C4orf17: variants seen among roughly 807,000 people sequenced by gnomAD.
C4orf17 encodes the protein uncharacterized protein C4orf17.
In C4orf17, 25 loss-of-function variants were observed where a neutral mutation model predicts 32.0. The observed-to-expected ratio is 0.78, with a 90% confidence interval of 0.57 to 1.09. The LOEUF is 1.09. Among genes scored for constraint, C4orf17 ranks in the 50% least tolerant of loss-of-function variants. The probability of loss-of-function intolerance (pLI) is 0.00; values close to 1 mark genes in which losing one functional copy is unlikely to be tolerated. For synonymous variants in C4orf17, 149 were observed against 145.8 expected (o/e 1.02, Z -0.16); for missense variants, 420 against 420.0 (o/e 1.00, Z 0.00).
intron 2 of C4orf17, among the ~76,000 whole-genome samples, chr4:99,513,566 A>G (rs1000777732): frequency 2.6e-5 from 4 of 152,154 alleles, no homozygotes; most frequent in African/African-American, 9.7e-5. Flanking sequence ...ACACATCTGC[A>G]TGCTAAATAT....
chr4:99,518,986 T>C (rs1257434215), intron 2 of C4orf17, among the ~76,000 whole-genome samples: 1 of 152,156 alleles, frequency 6.6e-6, no homozygotes, highest in Non-Finnish European at 1.5e-5. Context: ...TTGTCTTAGA[T>C]GACTCTGAGG....
intron 5 of C4orf17, among the ~76,000 whole-genome samples, chr4:99,530,790 G>A (rs1723465749): frequency 6.6e-6 from 1 of 151,558 alleles, no homozygotes; most frequent in South Asian, 2.1e-4. Context: ...TTAAACTTGA[G>A]GAGAATAAAA....
intron 4 of C4orf17, among the ~76,000 whole-genome samples, chr4:99,529,551 AG>A (rs2110171006): frequency 6.6e-6 from 1 of 152,318 alleles, no homozygotes; most frequent in Admixed American, 6.5e-5. Flanking sequence ...GCAATATAAA[AG>A]GTCATACATT....
In C4orf17 at chr4:99,522,537, T is replaced by C. The variant is rs749026872; in HGVS notation, c.165T>C (p.Asp55=). 6.2e-7 allele frequency: 1 copy of C among 1,613,902 alleles called. No individual in the cohort carries two copies. Among genetic ancestry groups the C allele is most frequent in the Non-Finnish European group, 8.5e-7 (1 of 1,179,766 alleles). ...NNIPICTVND[D]ENAFGTLWGV... ...TTCCAATCTGTACTGTGAATGATGA[T>C]GAGAATGCATTTGGAACATTGTGGG... The change falls in exon 3 of 9, where the codon GAT becomes GAC. Residue 55 remains aspartate, a synonymous_variant. Coordinates refer to ENST00000326581, the MANE Select transcript of C4orf17 (RefSeq NM_032149.3).
rs1723659444 is a variant in C4orf17 at position 99,542,183 on chromosome 4, A to G, written c.*74A>G. On this transcript the variant is annotated 3_prime_UTR_variant, in exon 9 of 9. Transcript: ENST00000326581. ...CATCATCAAATTATTTTTCAAATGA[A>G]TATTTTTGGTATTGAGGAATCAAGT... 1.4e-6 allele frequency: 2 copies of G among 1,395,748 alleles called. No homozygotes were observed. The highest frequency in any genetic ancestry group is 3.6e-5 in the Admixed American group (2 of 56,084). 86.5% of individuals were successfully genotyped at this position (1,395,748 alleles called of 1,614,324 possible). A position where few individuals can be genotyped will look rare whatever the true frequency, so the allele number is the denominator to read the frequency against.
At position 99,516,456 on chromosome 4, in the gene C4orf17, T is replaced by C. The variant is rs770542253; in HGVS notation, c.127+3248T>C. Among the ~76,000 whole-genome samples, 20 of 152,268 alleles carry C rather than the reference T, an allele frequency of 1.3e-4. 1 individual carries two copies. The highest frequency in any genetic ancestry group is 2.4e-4 in the Non-Finnish European group (16 of 68,050). ...TAAAGGCATGAATATTGATCATCTC[T>C]TTATTCATTCAGCCATCTATACGTT... On this transcript the variant is annotated intron_variant, in intron 2 of 8. Transcript: ENST00000326581.
Position 99,522,591 on chromosome 4 carries a change from GA to G in C4orf17, c.221del (p.Asn74ThrfsTer21), listed in dbSNP as rs1723308883. 6.2e-7 allele frequency: 1 copy of G among 1,613,948 alleles called. No homozygotes were observed. Among genetic ancestry groups the G allele is most frequent in the Non-Finnish European group, 8.5e-7 (1 of 1,179,892 alleles). On this transcript the variant is annotated frameshift_variant, in exon 3 of 9. Transcript: ENST00000326581. LOFTEE classifies it high-confidence loss of function. ...TTGGCCAGTCTAACTACTTAGAGAA[GA>G]ACAGGATACCATTTGCCAATTGCAG... Reference protein sequence around the residue: ...GVGQSNYLEKNRIPFANCSYP... With the variant: ...GVGQSNYLEKXRIPFANCSYP...
intron 3 of C4orf17, among the ~76,000 whole-genome samples, chr4:99,523,512 C>G (rs1723332245): frequency 6.6e-6 from 1 of 152,160 alleles, no homozygotes; most frequent in Non-Finnish European, 1.5e-5. Flanking sequence ...TCAAGAATTT[C>G]TCTTCCCTCC....
intron 2 of C4orf17, among the ~76,000 whole-genome samples, chr4:99,515,683 T>G (rs1329431304): frequency 1.3e-5 from 2 of 152,058 alleles, no homozygotes; most frequent in South Asian, 2.1e-4. Context: ...AAACTGCAGT[T>G]GTACTCCTGA....
chr4:99,525,530 C>T (rs1027852609), intron 4 of C4orf17, among the ~76,000 whole-genome samples: 3 of 152,170 alleles, frequency 2.0e-5, no homozygotes, highest in African/African-American at 7.2e-5. Context: ...CGCAGTGGCT[C>T]ACACCTGTAA....
chr4:99,527,520 T>C (rs764560867), intron 4 of C4orf17, among the ~76,000 whole-genome samples: 6 of 152,214 alleles, frequency 3.9e-5, no homozygotes, highest in Non-Finnish European at 8.8e-5. Context: ...GGTTTCAGGA[T>C]GAAATTGTTC....
intron 7 of C4orf17, among the ~76,000 whole-genome samples, chr4:99,539,640 A>G (rs1314749066): frequency 6.6e-6 from 1 of 152,210 alleles, no homozygotes; most frequent in African/African-American, 2.4e-5. Context: ...CCACTAAGGG[A>G]AAAGCAAGAG....
At position 99,540,402 on chromosome 4, in the gene C4orf17, A is replaced by G. The variant is rs754616246; in HGVS notation, c.837-10A>G. 5 of 1,606,010 alleles carry G rather than the reference A, an allele frequency of 3.1e-6. No individual in the cohort carries two copies. Among genetic ancestry groups the G allele is most frequent in the Middle Eastern group, 1.7e-4 (1 of 6,006 alleles). On this transcript the variant is annotated splice_polypyrimidine_tract_variant and intron_variant, in intron 7 of 8. Coordinates refer to ENST00000326581, the MANE Select transcript of C4orf17 (RefSeq NM_032149.3). Reference sequence around the variant, plus strand: ...TGAAATTCACTTTTTTCTTTCTCCAACTGATCTAGAGTGTCAAGTCAAGGA... The same window carrying G: ...TGAAATTCACTTTTTTCTTTCTCCAGCTGATCTAGAGTGTCAAGTCAAGGA...
chr4:99,518,536 TATATATATAGAG>T (rs1246892685), intron 2 of C4orf17, among the ~76,000 whole-genome samples: 1 of 73,320 alleles, frequency 1.4e-5, no homozygotes, highest in Non-Finnish European at 2.4e-5. Context: ...TATATATATA[TATATATATAGAG>T]AGAGAGAGAG....
intron 6 of C4orf17, among the ~76,000 whole-genome samples, chr4:99,538,144 A>G (rs1278700359): frequency 6.6e-6 from 1 of 152,216 alleles, no homozygotes; most frequent in Non-Finnish European, 1.5e-5. Flanking sequence ...AGAACAGTAG[A>G]AGAGCTATCC....
chr4:99,517,193 C>T (rs1723202201), intron 2 of C4orf17, among the ~76,000 whole-genome samples: 1 of 152,178 alleles, frequency 6.6e-6, no homozygotes, highest in Non-Finnish European at 1.5e-5. Flanking sequence ...TCGCAAAATT[C>T]TCTTTACATT....
chr4:99,522,769 G>A (rs1286888243), intron 3 of C4orf17, 60 bp downstream of exon 3: 4 of 1,354,128 alleles, frequency 3.0e-6, no homozygotes, highest in Non-Finnish European at 4.2e-6. Flanking sequence ...AAGGCTGTGG[G>A]GAGTCTATAT....
intron 4 of C4orf17, among the ~76,000 whole-genome samples, chr4:99,527,765 G>C (rs1037645692): frequency 1.3e-5 from 2 of 152,130 alleles, no homozygotes; most frequent in Non-Finnish European, 1.5e-5. Context: ...TTACTGATTG[G>C]CTACTTTTTC....
intron 5 of C4orf17, chr4:99,536,084 C>T: frequency 2.6e-6 from 1 of 382,298 alleles, no homozygotes; most frequent in Non-Finnish European, 5.1e-6. Context: ...AAGGTGTCTG[C>T]CTGCTCCTTC....
Sources: gnomAD v4.1 joint callset for allele counts (sites outside exome capture counted in the v4.1 genomes callset) on GRCh38, gnomAD v4.1.1 for gene constraint, MANE v1.5 for transcripts, NCBI Gene and HGNC (gene_info 2026-07-23, HGNC 2026-07-21) for gene names.